Variants in HAS3 observed in about 807,000 individuals in gnomAD.
HAS3 encodes the protein HA synthase 3.
In HAS3, 27 loss-of-function variants were observed where a neutral mutation model predicts 50.3. The ratio of observed to expected loss-of-function variants is 0.54; its 90% CI spans 0.40 to 0.74. The LOEUF is 0.74. Ranked by LOEUF, HAS3 falls within the 30% of genes least tolerant of loss-of-function variation. HAS3 has a pLI of 0.00. For missense variants in HAS3, 517 were observed against 742.8 expected, an observed-to-expected ratio of 0.70 and a Z score of 3.53; for synonymous variants, 339 against 310.9, an observed-to-expected ratio of 1.09 and a Z score of -0.95.
In HAS3 at chr16:69,114,609, G is replaced by A. The variant is rs762883403; in HGVS notation, c.1005G>A (p.Ala335=). The stretch of plus-strand genomic sequence containing the variant: ...TTGGCTACCGAACTAAGTATACCGC[G>A]CGCTCCAAGTGCCTCACAGAGACCC... ...LSLGYRTKYT[A]RSKCLTETPT... is the part of the protein sequence containing the mutation. The change falls in exon 4 of 4, where the codon GCG becomes GCA. Residue 335 remains alanine, a synonymous_variant. Transcript: ENST00000569188. This position sits in a 1 kb window ranked among gnomAD's most constrained non-coding sequence, Gnocchi z 6.4. The A allele has an allele frequency of 9.3e-6, 15 of 1,613,808 alleles. No individual in the cohort carries two copies. Among genetic ancestry groups the A allele is most frequent in the Admixed American group, 3.3e-5 (2 of 59,990 alleles).
rs895626337 is a variant in HAS3 at position 69,109,820 on chromosome 16, G to A, written c.425G>A (p.Gly142Asp). The A allele has an allele frequency of 1.9e-6, 3 of 1,612,386 alleles. No individual in the cohort carries two copies. Among genetic ancestry groups the A allele is most frequent in the African/African-American group, 2.7e-5 (2 of 74,950 alleles). The change falls in exon 2 of 4, where the codon GGC (glycine) becomes GAC (aspartate). Residue 142 changes from glycine (G) to aspartate (D), a missense_variant. Transcript: ENST00000569188. The surrounding 1 kb of genome is among the most constrained non-coding windows in gnomAD (Gnocchi z 5.3). ...MLDIFHEVLG[G>D]TEQAGFFVWR... ...GACATCTTCCACGAGGTGCTGGGCG[G>A]CACCGAGCAGGCCGGCTTCTTTGTG...
chr16:69,113,591 C>T (rs763184538), intron 3 of HAS3, 49 bp downstream of exon 3: 2 of 1,115,470 alleles, frequency 1.8e-6, no homozygotes, highest in Non-Finnish European at 2.7e-6. Context: ...GACTCTTTTT[C>T]CTAATCCAAT....
chr16:69,088,431 G>A, the HAS3 span, among the ~76,000 whole-genome samples: 4 of 151,710 alleles, frequency 2.6e-5, no homozygotes, highest in African/African-American at 7.3e-5. Context: ...GTGGTTGGGC[G>A]CGCCTGTAAT....
At chr16:69,097,592 C>A in the HAS3 span, among the ~76,000 whole-genome samples, 1 of 152,134 alleles carries the variant, frequency 6.6e-6, no homozygotes, top group African/African-American at 2.4e-5. Context: ...CAGACACTTG[C>A]GTGGGAGTAG....
chr16:69,101,614 A>G (rs1032530703), upstream of HAS3, among the ~76,000 whole-genome samples: 9 of 152,016 alleles, frequency 5.9e-5, no homozygotes, highest in African/African-American at 1.7e-4. Context: ...TACTTAAGCT[A>G]TCCTTCCTAC....
At chr16:69,098,638 C>T in the HAS3 span, among the ~76,000 whole-genome samples, 2 of 148,926 alleles carry the variant, frequency 1.3e-5, no homozygotes, top group South Asian at 2.1e-4. Flanking sequence ...TAATATCAAA[C>T]CTATTAATAT....
At chr16:69,097,211 T>G in the HAS3 span, among the ~76,000 whole-genome samples, 1 of 151,544 alleles carries the variant, frequency 6.6e-6, no homozygotes, top group African/African-American at 2.4e-5. Context: ...GTGTGGTGGC[T>G]CATGCCTGTA....
the HAS3 span, among the ~76,000 whole-genome samples, chr16:69,092,358 T>C: frequency 2.6e-5 from 4 of 152,148 alleles, no homozygotes. Context: ...ATCCCAGCAT[T>C]TTGGGAGGCC....
intron 2 of HAS3, among the ~76,000 whole-genome samples, chr16:69,112,872 G>A (rs953192828): frequency 1.3e-5 from 2 of 152,236 alleles, no homozygotes; most frequent in South Asian, 2.1e-4. Flanking sequence ...CAGCCATACC[G>A]TGCCCTGGTC....
At chr16:69,083,581 C>T in the HAS3 span, 1 of 1,603,588 alleles carries the variant, frequency 6.2e-7, no homozygotes, top group African/African-American at 1.3e-5. Flanking sequence ...CCAGTTGGCC[C>T]TAGAAGAGCT....
rs1961158445 is a variant in HAS3 at position 69,115,708 on chromosome 16, C to T, written c.*442C>T. 8.1e-6 allele frequency: 8 copies of T among 989,720 alleles called. No homozygotes were observed. In the South Asian group the frequency reaches 1.4e-4, roughly 17 times the overall value. The allele number at this position is 989,720 out of a possible 1,614,324, so 61.3% of individuals were successfully genotyped here. A position where few individuals can be genotyped will look rare whatever the true frequency, so the allele number is the denominator to read the frequency against. ...AGAATTTCTACTGAGCGAGCTGGGCCGGTTAGTGTATGTCACCCCCACCCC... is the reference window on the plus strand; with the variant it reads ...AGAATTTCTACTGAGCGAGCTGGGCTGGTTAGTGTATGTCACCCCCACCCC... On this transcript the variant is annotated 3_prime_UTR_variant, in exon 4 of 4. Transcript: ENST00000569188.
At position 69,115,388 on chromosome 16, in the gene HAS3, G is replaced by A. The variant is rs1961148843; in HGVS notation, c.*122G>A. On this transcript the variant is annotated 3_prime_UTR_variant, in exon 4 of 4. Transcript: ENST00000569188. ...GTTTTAGTCTCTTAATGGTCCAAAG[G>A]ACAAATCTAAAATGCAAAGAACGGT... 3.6e-6 allele frequency: 5 copies of A among 1,398,248 alleles called. No homozygotes were observed. The highest frequency in any genetic ancestry group is 2.5e-4 in the Middle Eastern group (1 of 3,980). 86.6% of individuals were successfully genotyped at this position (1,398,248 alleles called of 1,614,324 possible).
chr16:69,104,399 C>G (rs760234885), upstream of HAS3, among the ~76,000 whole-genome samples: 23 of 151,804 alleles, frequency 1.5e-4, no homozygotes, highest in African/African-American at 5.3e-4. Context: ...TGGGTTTAAG[C>G]GATTCTTCTG....
the HAS3 span, among the ~76,000 whole-genome samples, chr16:69,099,939 C>T: frequency 3.3e-5 from 5 of 151,844 alleles, no homozygotes; most frequent in Non-Finnish European, 7.4e-5. Flanking sequence ...ATTCGGTTAT[C>T]GGTCTAGTGT....
At chr16:69,094,678 A>C in the HAS3 span, among the ~76,000 whole-genome samples, 10 of 152,186 alleles carry the variant, frequency 6.6e-5, no homozygotes, top group East Asian at 5.8e-4. Flanking sequence ...ACAGTGCAGA[A>C]GTTCTGTCCT....
chr16:69,117,458 T>C lies in HAS3; in HGVS notation c.*2192T>C. 1.0e-6 allele frequency: 1 copy of C among 985,822 alleles called. No individual in the cohort carries two copies. The highest frequency in any genetic ancestry group is 1.2e-6 in the Non-Finnish European group (1 of 829,866). The allele number at this position is 985,822 out of a possible 1,614,324, so 61.1% of individuals were successfully genotyped here. On this transcript the variant is annotated 3_prime_UTR_variant, in exon 4 of 4. Coordinates refer to ENST00000569188, the MANE Select transcript of HAS3 (RefSeq NM_001199280.2). ...CTGGGTCTTCAGCTTTATCCCCGTTTCTTGCAAGGGAAGAGCCTTTATACA... is the reference window on the plus strand; with the variant it reads ...CTGGGTCTTCAGCTTTATCCCCGTTCCTTGCAAGGGAAGAGCCTTTATACA...
At chr16:69,101,187 A>C (rs1960693191), upstream of HAS3, among the ~76,000 whole-genome samples, 1 of 151,988 alleles carries the variant, frequency 6.6e-6, no homozygotes, top group South Asian at 2.1e-4. Context: ...TTATTTGGTC[A>C]CTCCAAGTCC....
At chr16:69,098,180 G>A in the HAS3 span, among the ~76,000 whole-genome samples, 2 of 152,180 alleles carry the variant, frequency 1.3e-5, no homozygotes, top group African/African-American at 4.8e-5. Flanking sequence ...TCAGGAGATC[G>A]AGACCACAGT....
chr16:69,103,432 G>A (rs1220468809), upstream of HAS3, among the ~76,000 whole-genome samples: 1 of 152,132 alleles, frequency 6.6e-6, no homozygotes, highest in African/African-American at 2.4e-5. Flanking sequence ...TTGCCCTCTT[G>A]TTGCCTAGGC....
Sources: allele counts gnomAD v4.1 joint callset (sites outside exome capture counted in the v4.1 genomes callset), GRCh38; gene constraint gnomAD v4.1.1; non-coding constraint Gnocchi (gnomAD v3.1); transcripts MANE v1.5; gene names NCBI Gene and HGNC (gene_info 2026-07-23, HGNC 2026-07-21).